Variants in TMC3 observed in about 807,000 individuals in gnomAD.
TMC3 encodes transmembrane channel like 3.
TMC3 carries 98 observed loss-of-function variants against 110.6 expected under a neutral mutation model. The ratio of observed to expected loss-of-function variants is 0.89; its 90% CI spans 0.75 to 1.05. The LOEUF (loss-of-function observed/expected upper bound fraction) is 1.05. TMC3 is among the 50% of genes least tolerant of loss of function. The pLI is 0.00. For missense variants in TMC3, 1,319 were observed against 1,373.2 expected, an observed-to-expected ratio of 0.96 and a Z score of 0.62; for synonymous variants, 489 against 513.1, an observed-to-expected ratio of 0.95 and a Z score of 0.63.
chr15:81,337,250 A>C (rs953821480), intron 19 of TMC3, among the ~76,000 whole-genome samples: 1 of 152,098 alleles, frequency 6.6e-6, no homozygotes, highest in African/African-American at 2.4e-5. Flanking sequence ...GCCTCATCCC[A>C]GTCTTGGGAT....
At chr15:81,363,019 G>A (rs1351329497) in intron 3 of TMC3, among the ~76,000 whole-genome samples, 1 of 152,176 alleles carries the variant, frequency 6.6e-6, no homozygotes, top group South Asian at 2.1e-4. Flanking sequence ...CACTTTGGGA[G>A]GCCAAGACGG....
chr15:81,337,577 G>GT, intron 19 of TMC3: 2 of 548,212 alleles, frequency 3.6e-6, no homozygotes, highest in South Asian at 4.1e-5. Context: ...TGGTCACAGG[G>GT]TGGGCACTGA....
intron 7 of TMC3, 83 bp downstream of exon 7, chr15:81,358,066 A>T (rs1894103695): frequency 7.0e-7 from 1 of 1,420,546 alleles, no homozygotes; most frequent in Non-Finnish European, 9.4e-7. Flanking sequence ...CTTTTTTAAA[A>T]GAATGATGAA....
chr15:81,360,720 C>T (rs1894169720), intron 4 of TMC3, among the ~76,000 whole-genome samples: 1 of 152,128 alleles, frequency 6.6e-6, no homozygotes, highest in African/African-American at 2.4e-5. Flanking sequence ...GAGTTGGTCC[C>T]ACTTGGAGCA....
intron 3 of TMC3, among the ~76,000 whole-genome samples, chr15:81,363,822 C>G (rs990950037): frequency 3.9e-5 from 6 of 152,310 alleles, no homozygotes; most frequent in African/African-American, 1.4e-4. Context: ...GCTTTCTGAT[C>G]ATTTATTCCC....
chr15:81,374,184 G>C lies in TMC3; in HGVS notation c.-107C>G, dbSNP rs754673728. ...GAATGGAAGCAGCGGAGTTTGCTCT[G>C]CCCGCTAGTTCTCAGGAAGAAGACT... On this transcript the variant is annotated 5_prime_UTR_variant, in exon 1 of 22. Transcript: ENST00000359440. 2 of 952,312 alleles carry C rather than the reference G, an allele frequency of 2.1e-6. No homozygotes were observed. Among genetic ancestry groups the C allele is most frequent in the Non-Finnish European group, 3.3e-6 (2 of 609,338 alleles). The allele number at this position is 952,312 out of a possible 1,614,324, so 59.0% of individuals were successfully genotyped here.
At position 81,368,288 on chromosome 15, in the gene TMC3, T is replaced by A. The variant is rs1894361301; in HGVS notation, c.277A>T (p.Thr93Ser). The A allele has an allele frequency of 6.2e-7, 1 of 1,613,646 alleles. No individual in the cohort carries two copies. The highest frequency in any genetic ancestry group is 8.5e-7 in the Non-Finnish European group (1 of 1,179,772). The change falls in exon 3 of 22, where the codon ACC becomes TCC. Residue 93 changes from threonine to serine, a missense_variant. Thr to Ser is a moderately conservative substitution (Grantham distance 58). Transcript: ENST00000359440. ...GCTGCTTGGTAGCCTCGGGTCCTGG[T>A]CAGCCTCCCTTCAAACTTCAGCACA... is the stretch of plus-strand genomic sequence containing the variant. ...NIVLKFEGRL[T>S]RTRGYQAAGA...
intron 3 of TMC3, among the ~76,000 whole-genome samples, chr15:81,365,644 G>T (rs1264315309): frequency 6.9e-6 from 1 of 144,200 alleles, no homozygotes; most frequent in African/African-American, 2.6e-5. Flanking sequence ...GCACTCCAGC[G>T]TGGGCCACAG....
At chr15:81,369,204 C>T (rs1894382135) in intron 2 of TMC3, among the ~76,000 whole-genome samples, 1 of 152,072 alleles carries the variant, frequency 6.6e-6, no homozygotes, top group Non-Finnish European at 1.5e-5. Flanking sequence ...ATCACAGCAA[C>T]CCCCAATAAC....
At chr15:81,366,743 G>A (rs8033908) in intron 3 of TMC3, among the ~76,000 whole-genome samples, 84,144 of 152,062 alleles carry the variant, frequency 0.55, 25,867 homozygotes, top group Non-Finnish European at 0.7. Flanking sequence ...GATTAGAATT[G>A]TAAAGAAGAT....
chr15:81,371,580 G>A (rs188156929), intron 2 of TMC3, among the ~76,000 whole-genome samples: 3 of 152,294 alleles, frequency 2.0e-5, no homozygotes, highest in African/African-American at 7.2e-5. Context: ...GGCCATGAAG[G>A]CAACTCTGCT....
chr15:81,356,414 A>G (rs1894061989), intron 8 of TMC3, 33 bp downstream of exon 8: 3 of 1,549,312 alleles, frequency 1.9e-6, no homozygotes, highest in Non-Finnish European at 2.6e-6. Context: ...TGAGCTGCCC[A>G]CCCCCGCAGG....
chr15:81,351,347 TC>T (rs58404932), intron 10 of TMC3, among the ~76,000 whole-genome samples: 4,183 of 121,520 alleles, frequency 0.034, 242 homozygotes, highest in African/African-American at 0.15. Flanking sequence ...TCTCTCTCTC[TC>T]TTTTTTTTTT....
intron 7 of TMC3, among the ~76,000 whole-genome samples, chr15:81,357,755 C>A (rs1894097128): frequency 1.3e-5 from 2 of 152,218 alleles, no homozygotes; most frequent in South Asian, 4.1e-4. Context: ...TTTGCAACCT[C>A]TGGTCACCTA....
chr15:81,339,578 C>T, intron 16 of TMC3, 74 bp from the exon 17 acceptor site: 1 of 1,158,142 alleles, frequency 8.6e-7, no homozygotes, highest in Non-Finnish European at 1.3e-6. Flanking sequence ...GCCCAAAGAG[C>T]TGCCACAGAA....
chr15:81,334,126 C>A (rs1306272558), intron 21 of TMC3, among the ~76,000 whole-genome samples: 1 of 152,094 alleles, frequency 6.6e-6, no homozygotes. Context: ...CAGACAACTC[C>A]TTATATAACA....
In TMC3 at chr15:81,344,104, C is replaced by T. The variant is rs561219241; in HGVS notation, c.1519-59G>A. 1.7e-5 allele frequency: 26 copies of T among 1,564,098 alleles called. No homozygotes were observed. In the African/African-American group the frequency reaches 3.5e-4, roughly 21 times the overall value. ...CCCCACCCTTCCCACGGTCACTCTT[C>T]CTTCAGGGTGCTCCTAATCTCTGTT... is the stretch of plus-strand genomic sequence containing the variant. On this transcript the variant is annotated intron_variant, in intron 13 of 21. Coordinates refer to ENST00000359440, the MANE Select transcript of TMC3 (RefSeq NM_001080532.3).
At chr15:81,348,044 A>G (rs780104448) in intron 11 of TMC3, among the ~76,000 whole-genome samples, 5 of 152,148 alleles carry the variant, frequency 3.3e-5, no homozygotes, top group Non-Finnish European at 7.4e-5. Flanking sequence ...ACCCTTGCCT[A>G]TTTTTGTCAG....
intron 3 of TMC3, among the ~76,000 whole-genome samples, chr15:81,367,567 T>C (rs116564883): frequency 1.8e-3 from 278 of 152,334 alleles, no homozygotes; most frequent in African/African-American, 6.5e-3. Flanking sequence ...CATTGTATTA[T>C]AAAATGAGCA....
Sources: gnomAD v4.1 joint callset for allele counts (sites outside exome capture counted in the v4.1 genomes callset) on GRCh38, gnomAD v4.1.1 for gene constraint, MANE v1.5 for transcripts, NCBI Gene and HGNC (gene_info 2026-07-23, HGNC 2026-07-21) for gene names.